The following DLG2 variants were observed in gnomAD, a reference collection of about 807,000 sequenced individuals.
DLG2 encodes disks large homolog 2.
DLG2 carries 45 observed loss-of-function variants against 132.5 expected under a neutral mutation model. That is an observed-to-expected ratio of 0.34 (90% CI 0.27 to 0.44). The LOEUF is 0.44. Ranked by LOEUF, DLG2 falls within the 20% of genes least tolerant of loss-of-function variation. DLG2 has a pLI of 1.00. For missense variants in DLG2, 1,045 were observed against 1,196.9 expected, an observed-to-expected ratio of 0.87 and a Z score of 1.87; for synonymous variants, 424 against 419.6, an observed-to-expected ratio of 1.01 and a Z score of -0.13.
At chr11:83,569,951 A>G (rs2096770825) in intron 19 of DLG2, among the ~76,000 whole-genome samples, 1 of 152,204 alleles carries the variant, frequency 6.6e-6, no homozygotes, top group Admixed American at 6.5e-5. Context: ...ATGTTGAATG[A>G]GAGTCAGACT....
At chr11:85,511,426 C>T (rs913528194) in intron 3 of DLG2, among the ~76,000 whole-genome samples, 3 of 151,772 alleles carry the variant, frequency 2.0e-5, no homozygotes, top group Admixed American at 6.6e-5. Context: ...AGTAAGAAGA[C>T]AATAGATTTG....
chr11:85,502,129 G>T (rs1369885092), intron 3 of DLG2, among the ~76,000 whole-genome samples: 1 of 151,994 alleles, frequency 6.6e-6, no homozygotes, highest in African/African-American at 2.4e-5. Flanking sequence ...GGACATGGAT[G>T]AAGCTGGAAA....
chr11:83,952,935 G>C (rs1206229385), intron 14 of DLG2, among the ~76,000 whole-genome samples: 1 of 151,490 alleles, frequency 6.6e-6, no homozygotes, highest in Non-Finnish European at 1.5e-5. Flanking sequence ...AAATTAAGGA[G>C]GGCTATAAGG....
At chr11:84,931,339 A>G (rs2048062421) in intron 6 of DLG2, among the ~76,000 whole-genome samples, 2 of 151,894 alleles carry the variant, frequency 1.3e-5, no homozygotes, top group South Asian at 4.1e-4. Flanking sequence ...ATGAAATTGA[A>G]TGTCTTTGTG....
At chr11:85,476,058 C>T (rs1208070401) in intron 3 of DLG2, among the ~76,000 whole-genome samples, 1 of 152,028 alleles carries the variant, frequency 6.6e-6, no homozygotes, top group Non-Finnish European at 1.5e-5. Flanking sequence ...TTTGTTAACA[C>T]AATAGAGTGT....
chr11:84,465,543 A>G (rs1020266549), intron 7 of DLG2, among the ~76,000 whole-genome samples: 10 of 151,278 alleles, frequency 6.6e-5, no homozygotes, highest in Admixed American at 6.6e-4. Flanking sequence ...ATCAGTTTAA[A>G]GTTTGCCATT....
At chr11:83,517,675 A>G (rs1485905940) in intron 21 of DLG2, among the ~76,000 whole-genome samples, 8 of 152,030 alleles carry the variant, frequency 5.3e-5, no homozygotes, top group Non-Finnish European at 1.0e-4. Flanking sequence ...GTCTTTGATG[A>G]TGGTGACGTA....
intron 17 of DLG2, among the ~76,000 whole-genome samples, chr11:83,823,677 G>A (rs74950702): frequency 0.011 from 1,504 of 139,524 alleles, 11 homozygotes; most frequent in African/African-American, 0.038. Flanking sequence ...TCATTCATTC[G>A]TTCATTAAAC....
intron 17 of DLG2, among the ~76,000 whole-genome samples, chr11:83,819,469 C>CAAAA (rs398016925): frequency 2.1e-3 from 59 of 28,004 alleles, no homozygotes; most frequent in African/African-American, 4.9e-3. Context: ...GACTCTATCT[C>CAAAA]AAAAAAAAAA....
At chr11:84,918,456 A>T (rs1396236794) in intron 6 of DLG2, among the ~76,000 whole-genome samples, 2 of 152,152 alleles carry the variant, frequency 1.3e-5, no homozygotes, top group Non-Finnish European at 2.9e-5. Context: ...CAGAATTTAG[A>T]CAAATATGGT....
At chr11:84,652,057 G>A (rs1195120014) in intron 6 of DLG2, among the ~76,000 whole-genome samples, 1 of 152,126 alleles carries the variant, frequency 6.6e-6, no homozygotes, top group Non-Finnish European at 1.5e-5. Context: ...AGGCTTGTCT[G>A]GAAGAATGAT....
At chr11:84,534,782 A>C (rs2099351298) in intron 6 of DLG2, 51 bp from the exon 7 acceptor site, 1 of 1,584,114 alleles carries the variant, frequency 6.3e-7, no homozygotes, top group Non-Finnish European at 8.7e-7. Context: ...GTGTTTGTAA[A>C]GGATATAGAC....
chr11:85,493,767 AGAGG>A (rs1223765530), intron 3 of DLG2, among the ~76,000 whole-genome samples: 1 of 123,450 alleles, frequency 8.1e-6, no homozygotes, highest in Admixed American at 9.7e-5. Context: ...AGAGAAAGAG[AGAGG>A]GAGGGAGGGA....
chr11:85,021,014 T>C, intron 6 of DLG2: 1 of 774,082 alleles, frequency 1.3e-6, no homozygotes, highest in Non-Finnish European at 2.4e-6. Flanking sequence ...TCATATCTAC[T>C]GCTTGTTTGT....
intron 6 of DLG2, among the ~76,000 whole-genome samples, chr11:84,803,937 T>C (rs1219330987): frequency 6.6e-6 from 1 of 152,184 alleles, no homozygotes; most frequent in African/African-American, 2.4e-5. Flanking sequence ...GATAACTAAA[T>C]GATCACACAG....
chr11:84,926,450 A>T (rs955391258), intron 6 of DLG2, among the ~76,000 whole-genome samples: 2 of 152,032 alleles, frequency 1.3e-5, no homozygotes, highest in Admixed American at 1.3e-4. Context: ...GGAATATAAG[A>T]TATATATACA....
At chr11:85,434,884 G>A (rs527599937) in intron 3 of DLG2, among the ~76,000 whole-genome samples, 1 of 152,146 alleles carries the variant, frequency 6.6e-6, no homozygotes, top group South Asian at 2.1e-4. Flanking sequence ...AAAGCTTCAG[G>A]CCAATATCCC....
At position 84,830,370 on chromosome 11, in the gene DLG2, G is replaced by GT. The variant is rs1367498436; in HGVS notation, c.357+281290dup. 6.7e-3 allele frequency among the ~76,000 whole-genome samples: 954 copies of GT among 141,802 alleles called. 5 individuals carry two copies. The highest frequency in any genetic ancestry group is 8.5e-3 in the Non-Finnish European group (553 of 64,696). The allele number at this position is 141,802 out of a possible 152,430, so 93.0% of individuals were successfully genotyped here. ...AATTTTGACAGCAGGCGTCATCTAC[G>GT]TTTTTTTTTTTTTGGCAAGTGGAGG... On this transcript the variant is annotated intron_variant, in intron 6 of 27. Transcript: ENST00000376104.
At chr11:84,922,244 C>T (rs964155373) in intron 6 of DLG2, among the ~76,000 whole-genome samples, 7 of 151,386 alleles carry the variant, frequency 4.6e-5, no homozygotes, top group African/African-American at 1.2e-4. Context: ...TTCTCAAAGG[C>T]AATCACTTTC....
Sources: allele counts gnomAD v4.1 joint callset (sites outside exome capture counted in the v4.1 genomes callset), GRCh38; gene constraint gnomAD v4.1.1; transcripts MANE v1.5; gene names NCBI Gene and HGNC (gene_info 2026-07-23, HGNC 2026-07-21).